Variants in GRID1 observed in about 807,000 individuals in gnomAD.
The protein encoded by GRID1 is glutamate ionotropic receptor delta type subunit 1.
GRID1 carries 28 observed loss-of-function variants against 98.0 expected under a neutral mutation model. The ratio of observed to expected loss-of-function variants is 0.29; its 90% CI spans 0.21 to 0.39. The LOEUF (loss-of-function observed/expected upper bound fraction) is 0.39. Ranked by LOEUF, GRID1 falls within the 10% of genes least tolerant of loss-of-function variation. The pLI is 1.00. For missense variants in GRID1, 1,111 were observed against 1,340.5 expected, an observed-to-expected ratio of 0.83 and a Z score of 2.67; for synonymous variants, 553 against 538.5, an observed-to-expected ratio of 1.03 and a Z score of -0.37.
chr10:86,000,482 G>A (rs1461085309), intron 4 of GRID1, among the ~76,000 whole-genome samples: 1 of 152,176 alleles, frequency 6.6e-6, no homozygotes, highest in Non-Finnish European at 1.5e-5. Flanking sequence ...AAACACTGTT[G>A]AAAAATCAGT....
At position 86,206,445 on chromosome 10, in the gene GRID1, C is replaced by G; in HGVS notation, c.439G>C (p.Val147Leu). 3 of 1,614,104 alleles carry G rather than the reference C, an allele frequency of 1.9e-6. No homozygotes were observed. Among genetic ancestry groups the G allele is most frequent in the Non-Finnish European group, 2.5e-6 (3 of 1,179,982 alleles). ...CTGAGCATGACATCATTGAGGCGGA[C>G]GGGTGGTCTCGAAGCCAGTGTGTAG... ...EAYTLASRPPVRLNDVMLRLV... is the reference protein window; with the variant it reads ...EAYTLASRPPLRLNDVMLRLV... Residue 147 changes from valine (V) to leucine (L), a missense_variant, in exon 3 of 16, where the codon GTC becomes CTC. Physicochemically the swap from Val to Leu is conservative, Grantham distance 32. Transcript: ENST00000327946. This position sits in a 1 kb window ranked among gnomAD's most constrained non-coding sequence, Gnocchi z 4.1.
chr10:85,707,657 T>C (rs1841535719), intron 12 of GRID1, among the ~76,000 whole-genome samples: 1 of 152,196 alleles, frequency 6.6e-6, no homozygotes, highest in Non-Finnish European at 1.5e-5. Context: ...CAAAGACACA[T>C]GCACACGTAA....
chr10:86,313,014 C>G (rs528140086), intron 2 of GRID1, among the ~76,000 whole-genome samples: 1 of 152,338 alleles, frequency 6.6e-6, no homozygotes, highest in African/African-American at 2.4e-5. Flanking sequence ...TCAGGAGGCC[C>G]CAAGCCTTTA....
intron 8 of GRID1, among the ~76,000 whole-genome samples, chr10:85,743,583 C>G (rs1841970445): frequency 6.6e-6 from 1 of 151,938 alleles, no homozygotes; most frequent in Non-Finnish European, 1.5e-5. Flanking sequence ...TTAGTGGAAC[C>G]AAAACTCAAG....
At chr10:85,797,963 G>A (rs1034182571) in intron 8 of GRID1, among the ~76,000 whole-genome samples, 4 of 152,208 alleles carry the variant, frequency 2.6e-5, no homozygotes, top group African/African-American at 9.6e-5. Flanking sequence ...ACTTTTTAGT[G>A]GTGCATAGTA....
intron 8 of GRID1, among the ~76,000 whole-genome samples, chr10:85,782,698 G>A (rs568029179): frequency 1.3e-5 from 2 of 152,358 alleles, no homozygotes; most frequent in East Asian, 1.9e-4. Flanking sequence ...AGGCCCTGAC[G>A]TAGATGCATG....
In GRID1 at chr10:85,686,354, G is replaced by T. The variant is rs115647577; in HGVS notation, c.1997+36649C>A. ...TCTATTTCAAGGTATGCATTACAAA[G>T]AACACATCCATGTGTTGTTCACAAG... On this transcript the variant is annotated intron_variant, in intron 12 of 15. Transcript: ENST00000327946. Among the ~76,000 whole-genome samples, 245 of 152,264 alleles carry T rather than the reference G, an allele frequency of 1.6e-3. 2 individuals are homozygous for T. The highest frequency in any genetic ancestry group is 5.6e-3 in the African/African-American group (233 of 41,572).
intron 12 of GRID1, among the ~76,000 whole-genome samples, chr10:85,674,791 T>C (rs1273823757): frequency 6.6e-6 from 1 of 151,874 alleles, no homozygotes; most frequent in African/African-American, 2.4e-5. Context: ...ACATGCCCAG[T>C]GTATGCTAAT....
intron 4 of GRID1, among the ~76,000 whole-genome samples, chr10:85,982,398 G>C (rs760032274): frequency 7.2e-5 from 11 of 152,164 alleles, no homozygotes; most frequent in Non-Finnish European, 1.6e-4. Flanking sequence ...ACAGTGATCT[G>C]ACTTATACTT....
At chr10:85,607,045 C>T (rs945768860) in intron 15 of GRID1, 3 of 152,150 alleles carry the variant, frequency 2.0e-5, no homozygotes, top group Non-Finnish European at 4.4e-5. Context: ...ACCCGTGAAT[C>T]CGGCTGAATT....
intron 2 of GRID1, among the ~76,000 whole-genome samples, chr10:86,334,577 T>C (rs1279855722): frequency 6.6e-6 from 1 of 152,236 alleles, no homozygotes; most frequent in African/African-American, 2.4e-5. Context: ...TAGGGCTATC[T>C]GTCTAAATGC....
chr10:85,764,761 A>G (rs1035986118), intron 8 of GRID1, among the ~76,000 whole-genome samples: 1 of 152,244 alleles, frequency 6.6e-6, no homozygotes, highest in Admixed American at 6.5e-5. Context: ...TACTCTGCAC[A>G]TAGCTTGCAT....
chr10:85,979,478 A>G (rs1476092883), intron 4 of GRID1, among the ~76,000 whole-genome samples: 1 of 152,212 alleles, frequency 6.6e-6, no homozygotes, highest in Non-Finnish European at 1.5e-5. Context: ...CCTGAGGACC[A>G]GGAAGGAGGG....
chr10:85,823,416 T>C (rs975731507), intron 8 of GRID1, among the ~76,000 whole-genome samples: 1 of 151,782 alleles, frequency 6.6e-6, no homozygotes, highest in African/African-American at 2.4e-5. Context: ...TAGAATCTAA[T>C]TAAAATATAT....
At chr10:86,122,198 T>C (rs1844686721) in intron 4 of GRID1, among the ~76,000 whole-genome samples, 2 of 152,224 alleles carry the variant, frequency 1.3e-5, no homozygotes, top group African/African-American at 4.8e-5. Flanking sequence ...AGGCACTAGC[T>C]TCTTTATTTT....
At chr10:85,797,110 G>T (rs1219633547) in intron 8 of GRID1, among the ~76,000 whole-genome samples, 1 of 151,930 alleles carries the variant, frequency 6.6e-6, no homozygotes, top group Non-Finnish European at 1.5e-5. Flanking sequence ...AACCAAAATG[G>T]GAATGAAAGA....
At position 86,325,263 on chromosome 10, in the gene GRID1, A is replaced by C. The variant is rs148748939; in HGVS notation, c.235+38678T>G. On this transcript the variant is annotated intron_variant, in intron 2 of 15. Coordinates refer to ENST00000327946, the MANE Select transcript of GRID1 (RefSeq NM_017551.3). Reference sequence around the variant, plus strand: ...GTTTAAAGTTCTGCATATATTAACTAATATCATCCTTACACACTACCATGA... The same window carrying C: ...GTTTAAAGTTCTGCATATATTAACTCATATCATCCTTACACACTACCATGA... Among the ~76,000 whole-genome samples the C allele has an allele frequency of 4.1e-4, 63 of 152,340 alleles. No homozygotes were observed. In the East Asian group the frequency reaches 0.012, roughly 28 times the overall value.
At chr10:85,951,331 T>C (rs1000663930) in intron 4 of GRID1, among the ~76,000 whole-genome samples, 1 of 152,192 alleles carries the variant, frequency 6.6e-6, no homozygotes, top group African/African-American at 2.4e-5. Flanking sequence ...GCAGCACCAG[T>C]GTGCAGAGGG....
At position 86,336,742 on chromosome 10, in the gene GRID1, G is replaced by A. The variant is rs559019462; in HGVS notation, c.235+27199C>T. On this transcript the variant is annotated intron_variant, in intron 2 of 15. Transcript: ENST00000327946. Reference sequence around the variant, plus strand: ...ACCAGACCTGGCTCCATGGGAACATGGCTATAAATTGTTTCTGACAGTTGT... The same window carrying A: ...ACCAGACCTGGCTCCATGGGAACATAGCTATAAATTGTTTCTGACAGTTGT... Among the ~76,000 whole-genome samples, 3 of 152,282 alleles carry A rather than the reference G, an allele frequency of 2.0e-5. No individual in the cohort carries two copies. In the East Asian group the frequency reaches 5.8e-4, roughly 29 times the overall value.
Sources: gnomAD v4.1 joint callset for allele counts (sites outside exome capture counted in the v4.1 genomes callset) on GRCh38, gnomAD v4.1.1 for gene constraint, Gnocchi (gnomAD v3.1) non-coding constraint, MANE v1.5 for transcripts, NCBI Gene and HGNC (gene_info 2026-07-23, HGNC 2026-07-21) for gene names.